ROCK2: variants seen among roughly 807,000 people sequenced by gnomAD.
ROCK2 encodes Rho associated coiled-coil containing protein kinase 2.
A neutral mutation model predicts 195.1 loss-of-function variants in ROCK2; 61 were observed. That is an observed-to-expected ratio of 0.31 (90% confidence interval 0.25 to 0.39). The LOEUF (loss-of-function observed/expected upper bound fraction) is 0.39. Among genes scored for constraint, ROCK2 ranks in the 10% least tolerant of loss-of-function variants. The pLI, the probability that ROCK2 is intolerant of heterozygous loss-of-function variation, is 1.00. For missense variants in ROCK2, 1,109 were observed against 1,637.4 expected (o/e 0.68, Z 5.57); for synonymous variants, 504 against 545.5 (o/e 0.92, Z 1.06).
In ROCK2 at chr2:11,332,820, T is replaced by C. The variant is rs370351594; in HGVS notation, c.141+11176A>G. On this transcript the variant is annotated intron_variant, in intron 1 of 32. Transcript: ENST00000315872. ...ACAAAATGTGGTATATCCATAACCA[T>C]GGAATATTATTCATCAATTAAAAAG... 1.1e-4 allele frequency among the ~76,000 whole-genome samples: 17 copies of C among 152,328 alleles called. No homozygotes were observed. The South Asian group carries it at 2.1e-3, about 19-fold the overall frequency.
chr2:11,283,279 G>C (rs1375232875), intron 3 of ROCK2, among the ~76,000 whole-genome samples: 1 of 149,834 alleles, frequency 6.7e-6, no homozygotes, highest in Non-Finnish European at 1.5e-5. Flanking sequence ...AAAAAAAAGA[G>C]GCTGGGCGCA....
Position 11,226,897 on chromosome 2 carries a change from C to A in ROCK2, c.868+357G>T, listed in dbSNP as rs184071528. 8.0e-3 allele frequency among the ~76,000 whole-genome samples: 969 copies of A among 120,562 alleles called. 11 individuals carry two copies. The highest frequency in any genetic ancestry group is 0.029 in the African/African-American group (921 of 31,346). 79.1% of individuals were successfully genotyped at this position (120,562 alleles called of 152,430 possible). Reference sequence around the variant, plus strand: ...CTGCACTCCAGCCTGGGCAACAGAGCGAGACCCTGCCTCAGAAAAAAAAAA... The same window carrying A: ...CTGCACTCCAGCCTGGGCAACAGAGAGAGACCCTGCCTCAGAAAAAAAAAA... On this transcript the variant is annotated intron_variant, in intron 6 of 32. Coordinates refer to ENST00000315872, the MANE Select transcript of ROCK2 (RefSeq NM_004850.5).
At chr2:11,317,821 T>A (rs960603123) in intron 1 of ROCK2, among the ~76,000 whole-genome samples, 1 of 148,812 alleles carries the variant, frequency 6.7e-6, no homozygotes, top group Non-Finnish European at 1.5e-5. Flanking sequence ...TGTGTCCAAG[T>A]GTTCTCATTG....
At chr2:11,280,689 C>A (rs1271949470) in intron 3 of ROCK2, among the ~76,000 whole-genome samples, 1 of 152,008 alleles carries the variant, frequency 6.6e-6, no homozygotes, top group Non-Finnish European at 1.5e-5. Context: ...TGAAATGGAC[C>A]AATTCCTTCA....
At chr2:11,247,695 T>A (rs764497422) in intron 4 of ROCK2, among the ~76,000 whole-genome samples, 1 of 152,230 alleles carries the variant, frequency 6.6e-6, no homozygotes, top group Non-Finnish European at 1.5e-5. Context: ...ACAAATACTT[T>A]ACTGCAATCA....
intron 4 of ROCK2, among the ~76,000 whole-genome samples, chr2:11,243,035 T>C (rs1011634638): frequency 1.3e-5 from 2 of 152,004 alleles, no homozygotes; most frequent in Non-Finnish European, 2.9e-5. Context: ...GAACCTGTGG[T>C]TGGTAACACA....
intron 1 of ROCK2, among the ~76,000 whole-genome samples, chr2:11,296,830 GACTGTGATGCCAAATGAAACAAAGGT>G (rs559707355): frequency 1.4e-3 from 217 of 152,256 alleles, no homozygotes; most frequent in African/African-American, 5.0e-3. Flanking sequence ...ACTAATGAAA[GACTGTGATGCCAAATGAAACAAAGGT>G]TAGGTACTAG....
chr2:11,208,475 T>G, intron 18 of ROCK2, 28 bp from the exon 19 acceptor site: 3 of 1,336,616 alleles, frequency 2.2e-6, no homozygotes, highest in Non-Finnish European at 3.0e-6. Context: ...GACACAATCA[T>G]AAATTTACAA....
intron 1 of ROCK2, among the ~76,000 whole-genome samples, chr2:11,289,753 T>G (rs1176282109): frequency 6.6e-6 from 1 of 152,184 alleles, no homozygotes; most frequent in East Asian, 1.9e-4. Flanking sequence ...CCCCGTATCT[T>G]CCCCAAAAGT....
At chr2:11,205,175 C>T (rs935971995) in intron 20 of ROCK2, among the ~76,000 whole-genome samples, 36 of 152,140 alleles carry the variant, frequency 2.4e-4, no homozygotes, top group African/African-American at 8.4e-4. Flanking sequence ...GAGGAGAATG[C>T]TCTGATAAAA....
chr2:11,266,448 A>G (rs1424499093), intron 3 of ROCK2, among the ~76,000 whole-genome samples: 2 of 152,236 alleles, frequency 1.3e-5, no homozygotes, highest in Admixed American at 6.5e-5. Context: ...AATGCTGCGC[A>G]TGACTGTACT....
chr2:11,248,235 G>A (rs908741048), intron 4 of ROCK2, among the ~76,000 whole-genome samples: 19 of 150,250 alleles, frequency 1.3e-4, no homozygotes, highest in Admixed American at 3.3e-4. Flanking sequence ...GGGGGGAGGG[G>A]AATCTGAACT....
At chr2:11,263,980 GA>G (rs56736410) in intron 3 of ROCK2, among the ~76,000 whole-genome samples, 67,432 of 139,482 alleles carry the variant, frequency 0.48, 16,347 homozygotes, top group Admixed American at 0.57. Flanking sequence ...GAAAAAAGAT[GA>G]AAAAAAAAAA....
intron 1 of ROCK2, among the ~76,000 whole-genome samples, chr2:11,320,102 A>T (rs1297676628): frequency 6.6e-6 from 1 of 152,092 alleles, no homozygotes; most frequent in Non-Finnish European, 1.5e-5. Flanking sequence ...AAAAGGATAC[A>T]TTCACTCCCT....
chr2:11,342,069 T>A (rs13016386), intron 1 of ROCK2, among the ~76,000 whole-genome samples: 109,949 of 151,916 alleles, frequency 0.72, 41,917 homozygotes, highest in East Asian at 0.94. Context: ...AAAATTAATT[T>A]ATTATAAAAA....
Position 11,198,360 on chromosome 2 carries a change from G to C in ROCK2, c.3099+131C>G, listed in dbSNP as rs889338272. Reference sequence around the variant, plus strand: ...ACTTCTCTCAACCTGGCAAAAATCAGGTAATTGTGACTTCACAAATATTGG... The same window carrying C: ...ACTTCTCTCAACCTGGCAAAAATCACGTAATTGTGACTTCACAAATATTGG... On this transcript the variant is annotated intron_variant, in intron 25 of 32. Transcript: ENST00000315872. The C allele has an allele frequency of 4.9e-5, 30 of 617,128 alleles. No homozygotes were observed. The African/African-American group carries it at 4.9e-4, about 10-fold the overall frequency. The allele number at this position is 617,128 out of a possible 1,614,324, so 38.2% of individuals were successfully genotyped here. A position where few individuals can be genotyped will look rare whatever the true frequency, so the allele number is the denominator to read the frequency against.
intron 3 of ROCK2, among the ~76,000 whole-genome samples, chr2:11,257,744 G>C (rs1666086639): frequency 1.3e-5 from 2 of 151,302 alleles, no homozygotes; most frequent in African/African-American, 2.5e-5. Flanking sequence ...AGCATCTCAG[G>C]AGATAGGTAC....
intron 3 of ROCK2, among the ~76,000 whole-genome samples, chr2:11,279,531 G>C (rs1285596248): frequency 6.6e-6 from 1 of 152,150 alleles, no homozygotes; most frequent in Non-Finnish European, 1.5e-5. Context: ...AATTACATGA[G>C]GCAAAAGCTG....
chr2:11,214,925 T>A lies in ROCK2; in HGVS notation c.1851A>T (p.Glu617Asp), dbSNP rs1394467244. 3 of 1,614,060 alleles carry A rather than the reference T, an allele frequency of 1.9e-6. No individual in the cohort carries two copies. In the Admixed American group the frequency reaches 5.0e-5, roughly 27 times the overall value. Reference sequence around the variant, plus strand: ...CTGACTGAAGATTGATAAATTCCTTTTCAAGTTTTAACTTGGCAGTCTCCA... The same window carrying A: ...CTGACTGAAGATTGATAAATTCCTTATCAAGTTTTAACTTGGCAGTCTCCA... ...CLLETAKLKLEKEFINLQSAL... is the reference protein window; with the variant it reads ...CLLETAKLKLDKEFINLQSAL... Residue 617 changes from glutamate (E) to aspartate (D), a missense_variant, in exon 16 of 33, where the codon GAA (glutamate) becomes GAT (aspartate). This residue lies in a region of ROCK2 where 542 missense variants were observed against 672.0 expected (regional missense o/e 0.81). Coordinates refer to ENST00000315872, the MANE Select transcript of ROCK2 (RefSeq NM_004850.5).
Sources: gnomAD v4.1 joint callset for allele counts (sites outside exome capture counted in the v4.1 genomes callset) on GRCh38, gnomAD v4.1.1 for gene constraint, gnomAD v4.1.1 regional missense constraint, MANE v1.5 for transcripts, NCBI Gene and HGNC (gene_info 2026-07-23, HGNC 2026-07-21) for gene names.